Variants in ATXN7L1 observed in about 807,000 individuals in gnomAD.
ATXN7L1 encodes ataxin 7 like 1.
A neutral mutation model predicts 70.8 loss-of-function variants in ATXN7L1; 15 were observed. That is an observed-to-expected ratio of 0.21 (90% CI 0.14 to 0.33). ATXN7L1 has a LOEUF of 0.33. Ranked by LOEUF, ATXN7L1 falls within the 10% of genes least tolerant of loss-of-function variation. The probability of loss-of-function intolerance (pLI) is 1.00; values close to 1 mark genes in which losing one functional copy is unlikely to be tolerated. For synonymous variants in ATXN7L1, 440 were observed against 445.1 expected (o/e 0.99, Z 0.14); for missense variants, 975 against 1,097.1 (o/e 0.89, Z 1.57).
intron 3 of ATXN7L1, among the ~76,000 whole-genome samples, chr7:105,786,857 G>T (rs114429881): frequency 9.5e-4 from 145 of 152,264 alleles, no homozygotes; most frequent in African/African-American, 3.3e-3. Flanking sequence ...GCAACCCCTT[G>T]TTCCGTGCCT....
intron 3 of ATXN7L1, among the ~76,000 whole-genome samples, chr7:105,703,779 G>A (rs986510053): frequency 1.2e-4 from 18 of 152,184 alleles, no homozygotes; most frequent in Admixed American, 3.3e-4. Context: ...GTGTAACAGT[G>A]TCCCCTCTCT....
chr7:105,748,052 A>G (rs1563060827), intron 3 of ATXN7L1, among the ~76,000 whole-genome samples: 3 of 146,116 alleles, frequency 2.1e-5, no homozygotes, highest in Admixed American at 1.4e-4. Context: ...TGGGAGGTGG[A>G]GGTTGTGGTG....
intron 4 of ATXN7L1, among the ~76,000 whole-genome samples, chr7:105,664,404 G>A (rs769247335): frequency 4.0e-5 from 6 of 149,746 alleles, no homozygotes; most frequent in Non-Finnish European, 7.4e-5. Flanking sequence ...CCCCCGTCAG[G>A]CATACGGTAT....
intron 3 of ATXN7L1, among the ~76,000 whole-genome samples, chr7:105,692,677 C>A (rs1448892336): frequency 2.6e-5 from 4 of 151,984 alleles, no homozygotes; most frequent in Admixed American, 2.6e-4. Flanking sequence ...GAACTCCTGA[C>A]CTCAAGCGAT....
intron 7 of ATXN7L1, among the ~76,000 whole-genome samples, chr7:105,627,464 G>C (rs1358085165): frequency 6.6e-6 from 1 of 151,624 alleles, no homozygotes; most frequent in East Asian, 1.9e-4. Flanking sequence ...TCAAACTTGT[G>C]GCCTCAAATG....
At chr7:105,864,028 T>C (rs1220735675) in intron 2 of ATXN7L1, among the ~76,000 whole-genome samples, 4 of 152,186 alleles carry the variant, frequency 2.6e-5, no homozygotes, top group African/African-American at 9.7e-5. Flanking sequence ...TGGGTGGTCC[T>C]GGCATATTTG....
chr7:105,643,823 G>A (rs1798606938), intron 4 of ATXN7L1, among the ~76,000 whole-genome samples: 1 of 152,224 alleles, frequency 6.6e-6, no homozygotes, highest in African/African-American at 2.4e-5. Flanking sequence ...AGAGCACAAA[G>A]GTGTGCTTCA....
At chr7:105,772,935 G>T (rs1256753506) in intron 3 of ATXN7L1, among the ~76,000 whole-genome samples, 1 of 152,186 alleles carries the variant, frequency 6.6e-6, no homozygotes, top group Non-Finnish European at 1.5e-5. Flanking sequence ...TGGTTCACAT[G>T]CTAGCTAGTC....
intron 3 of ATXN7L1, among the ~76,000 whole-genome samples, chr7:105,729,430 CTT>C (rs34133732): frequency 0.2 from 26,674 of 130,272 alleles, 2,341 homozygotes; most frequent in East Asian, 0.34. Flanking sequence ...ATCCCTACTT[CTT>C]TTTTTTTTTT....
At chr7:105,814,136 C>CAGA in intron 2 of ATXN7L1, among the ~76,000 whole-genome samples, 1 of 152,228 alleles carries the variant, frequency 6.6e-6, no homozygotes, top group Non-Finnish European at 1.5e-5. Flanking sequence ...ATCAGGTGCT[C>CAGA]AGACCCTGCC....
intron 2 of ATXN7L1, among the ~76,000 whole-genome samples, chr7:105,824,952 CA>C (rs1204978465): frequency 1.3e-5 from 2 of 148,422 alleles, no homozygotes; most frequent in African/African-American, 4.9e-5. Context: ...ATAAAAAAAA[CA>C]AAAAAACCTC....
chr7:105,655,843 G>A (rs746971052), intron 4 of ATXN7L1, among the ~76,000 whole-genome samples: 6 of 152,110 alleles, frequency 3.9e-5, no homozygotes, highest in Non-Finnish European at 8.8e-5. Context: ...GAGGAGCCCC[G>A]CCTACCTGGG....
intron 8 of ATXN7L1, among the ~76,000 whole-genome samples, chr7:105,623,052 C>T (rs987575873): frequency 1.3e-5 from 2 of 152,170 alleles, no homozygotes; most frequent in African/African-American, 4.8e-5. Context: ...TGTTCCACTT[C>T]TGGCAGTCAA....
intron 7 of ATXN7L1, among the ~76,000 whole-genome samples, chr7:105,627,849 T>TG (rs556012095): frequency 0.012 from 1,677 of 140,102 alleles, 22 homozygotes; most frequent in South Asian, 0.021. Flanking sequence ...TAGTTTTTTT[T>TG]TTTTTTTTTT....
chr7:105,853,785 CA>C (rs917997773), intron 2 of ATXN7L1, among the ~76,000 whole-genome samples: 6 of 152,048 alleles, frequency 3.9e-5, no homozygotes, highest in Admixed American at 3.9e-4. Context: ...CAAAACAAAA[CA>C]AAACAAAAAC....
At chr7:105,747,621 G>T (rs555701772) in intron 3 of ATXN7L1, among the ~76,000 whole-genome samples, 1 of 152,336 alleles carries the variant, frequency 6.6e-6, no homozygotes, top group African/African-American at 2.4e-5. Context: ...GAAGCCAGTA[G>T]GCCAGAAATT....
rs1792710771 is a variant in ATXN7L1 at position 105,605,228 on chromosome 7, G to A, written c.*2624C>T. 6.6e-6 allele frequency: 1 copy of A among 151,814 alleles called. No homozygotes were observed. Among genetic ancestry groups the A allele is most frequent in the African/African-American group, 2.4e-5 (1 of 41,322 alleles). 9.4% of individuals were successfully genotyped at this position (151,814 alleles called of 1,614,324 possible). A position where few individuals can be genotyped will look rare whatever the true frequency, so the allele number is the denominator to read the frequency against. On this transcript the variant is annotated 3_prime_UTR_variant, in exon 12 of 12. Transcript: ENST00000419735. ...GTGTGCAGAACAGAAGGACCCAGAGGACATCACCCTAAAAATGTTTTATAG... is the reference window on the plus strand; with the variant it reads ...GTGTGCAGAACAGAAGGACCCAGAGAACATCACCCTAAAAATGTTTTATAG...
chr7:105,812,958 C>T (rs1294560422), intron 2 of ATXN7L1, among the ~76,000 whole-genome samples: 3 of 152,160 alleles, frequency 2.0e-5, no homozygotes, highest in South Asian at 2.1e-4. Flanking sequence ...GCTGTGATTG[C>T]GCCCCTGTAC....
At chr7:105,744,953 G>T (rs1004405244) in intron 3 of ATXN7L1, among the ~76,000 whole-genome samples, 3 of 151,908 alleles carry the variant, frequency 2.0e-5, no homozygotes, top group African/African-American at 7.3e-5. Context: ...GGCCAGGCTG[G>T]TCTTGAACTC....
Sources: gnomAD v4.1 joint callset for allele counts (sites outside exome capture counted in the v4.1 genomes callset) on GRCh38, gnomAD v4.1.1 for gene constraint, MANE v1.5 for transcripts, NCBI Gene and HGNC (gene_info 2026-07-23, HGNC 2026-07-21) for gene names.